The following ZNF677 variants were observed in gnomAD, a reference collection of about 807,000 sequenced individuals.
ZNF677 encodes zinc finger protein 677, also known as hypothetical protein MGC48625.
ZNF677 carries 5 observed loss-of-function variants against 8.1 expected under a neutral mutation model. That is an observed-to-expected ratio of 0.62 (90% CI 0.32 to 1.29). The LOEUF is 1.29. Ranked by LOEUF, ZNF677 falls within the 50% of genes most tolerant of loss-of-function variation. The pLI is 0.05. For missense variants in ZNF677, 685 were observed against 685.9 expected, an observed-to-expected ratio of 1.00 and a Z score of 0.01; for synonymous variants, 221 against 225.6, an observed-to-expected ratio of 0.98 and a Z score of 0.18.
At chr19:53,244,765 T>C (rs1402291643) in intron 3 of ZNF677, among the ~76,000 whole-genome samples, 1 of 152,128 alleles carries the variant, frequency 6.6e-6, no homozygotes, top group Non-Finnish European at 1.5e-5. Context: ...AAAATTCATA[T>C]AGAACTATAA....
intron 1 of ZNF677, among the ~76,000 whole-genome samples, chr19:53,253,559 T>C (rs1025732758): frequency 6.6e-6 from 1 of 152,144 alleles, no homozygotes; most frequent in Admixed American, 6.5e-5. Flanking sequence ...TGGTGGCGCA[T>C]GCCTTTAATC....
rs2090981520 is a variant in ZNF677, at chr19:53,237,307, G to A, written c.1420C>T (p.Leu474Phe). ...GTATGAGTTCTCTGATGACCCCAAA[G>A]GTGTGAACGTTTGATAAAAGCTTTA... ...CDKAFIKRSH[L>F]WGHQRTHTGE... Residue 474 changes from leucine to phenylalanine, a missense_variant, in exon 5 of 5, where the codon CTT (leucine) becomes TTT (phenylalanine). By Grantham distance (22) the Leu-to-Phe change is conservative (BLOSUM62 0). Coordinates refer to ENST00000598513, the MANE Select transcript of ZNF677 (RefSeq NM_182609.4). 2 of 1,613,744 alleles carry A rather than the reference G, an allele frequency of 1.2e-6. No homozygotes were observed. Among genetic ancestry groups the A allele is most frequent in the Non-Finnish European group, 1.7e-6 (2 of 1,179,884 alleles).
At chr19:53,239,221 A>G in intron 4 of ZNF677, 1 of 152,312 alleles carries the variant, frequency 6.6e-6, no homozygotes, top group South Asian at 2.1e-4. Flanking sequence ...AATAAATAAA[A>G]CACTTTAGTA....
At chr19:53,242,684 T>G (rs1480597150) in intron 4 of ZNF677, 1 of 341,664 alleles carries the variant, frequency 2.9e-6, no homozygotes, top group Non-Finnish European at 5.2e-6. Context: ...CCCATTTTCC[T>G]GAAAAGTTCT....
rs1445732341 is a variant in ZNF677 at position 53,238,545 on chromosome 19, C to T, written c.182G>A (p.Gly61Glu). 12 of 1,557,594 alleles carry T rather than the reference C, an allele frequency of 7.7e-6. No individual in the cohort carries two copies. The highest frequency in any genetic ancestry group is 2.1e-5 in the Admixed American group (1 of 48,564). The change falls in exon 5 of 5, where the codon GGA (glycine) becomes GAA (glutamate). Residue 61 changes from glycine (G) to glutamate (E), a missense_variant. Gly to Glu is a moderately conservative substitution (Grantham distance 98, BLOSUM62 -2). Transcript: ENST00000598513. ...TGGTGATAATCCCTTGCTTGTAAAT[C>T]CAACAGAAATATCTGAAAGATATTA... is the stretch of plus-strand genomic sequence containing the variant. ...NIPPEDDISVGFTSKGLSPKE... is the reference protein window; with the variant it reads ...NIPPEDDISVEFTSKGLSPKE...
chr19:53,237,178 A>C lies in ZNF677; in HGVS notation c.1549T>G (p.Cys517Gly), dbSNP rs1204959917. Residue 517 changes from cysteine to glycine, a missense_variant, in exon 5 of 5, where the codon TGT becomes GGT. Cys to Gly is a radical substitution (Grantham distance 159). Coordinates refer to ENST00000598513, the MANE Select transcript of ZNF677 (RefSeq NM_182609.4). ...GTAAAAGCTTTGCCACATTCAGTAC[A>C]TTTGTAAGGTTTCTCTCCAGTATGG... ...KIHTGEKPYK[C>G]TECGKAFTQF... 4 of 1,612,850 alleles carry C rather than the reference A, an allele frequency of 2.5e-6. No individual in the cohort carries two copies. The highest frequency in any genetic ancestry group is 1.1e-5 in the South Asian group (1 of 90,994).
chr19:53,245,182 A>G (rs1010772438), intron 3 of ZNF677, among the ~76,000 whole-genome samples: 6 of 152,170 alleles, frequency 3.9e-5, no homozygotes, highest in Admixed American at 1.3e-4. Context: ...AACTCCTAGA[A>G]GAAAACATAG....
At chr19:53,250,923 G>A (rs2091224681) in intron 3 of ZNF677, among the ~76,000 whole-genome samples, 1 of 152,108 alleles carries the variant, frequency 6.6e-6, no homozygotes, top group African/African-American at 2.4e-5. Context: ...AGAATTTAAA[G>A]AACCTCCTGC....
chr19:53,250,466 G>C (rs142399455), intron 3 of ZNF677, among the ~76,000 whole-genome samples: 4 of 152,264 alleles, frequency 2.6e-5, no homozygotes, highest in Non-Finnish European at 5.9e-5. Context: ...AGAAAATGTG[G>C]TACACATACA....
chr19:53,252,599 T>C (rs1238264308), intron 2 of ZNF677, among the ~76,000 whole-genome samples: 4 of 152,178 alleles, frequency 2.6e-5, no homozygotes, highest in African/African-American at 7.2e-5. Flanking sequence ...AATATGAAAT[T>C]ACAAATAGCT....
rs190699878 is a variant in ZNF677, at chr19:53,250,578, A to G, written c.15+958T>C. Among the ~76,000 whole-genome samples, 310 of 152,318 alleles carry G rather than the reference A, an allele frequency of 2.0e-3. 1 individual carries two copies. The highest frequency in any genetic ancestry group is 7.1e-3 in the African/African-American group (295 of 41,556). The stretch of plus-strand genomic sequence containing the variant: ...CTTTAGCAAACTAACACAGGAACAG[A>G]AAACTAAATGCTGCATGTTCTCACA... On this transcript the variant is annotated intron_variant, in intron 3 of 4. Coordinates refer to ENST00000598513, the MANE Select transcript of ZNF677 (RefSeq NM_182609.4).
intron 4 of ZNF677, 143 bp downstream of exon 4, chr19:53,243,601 T>C (rs780551999): frequency 1.0e-5 from 11 of 1,071,782 alleles, no homozygotes; most frequent in Non-Finnish European, 1.4e-5. Flanking sequence ...TTAAAGTCTA[T>C]ATGCTACATT....
Position 53,236,955 on chromosome 19 carries a change from C to T in ZNF677, c.*17G>A. 6.6e-7 allele frequency: 1 copy of T among 1,522,420 alleles called. No homozygotes were observed. The highest frequency in any genetic ancestry group is 8.8e-7 in the Non-Finnish European group (1 of 1,142,452). 94.3% of individuals were successfully genotyped at this position (1,522,420 alleles called of 1,614,324 possible). ...TTTCGTTTTATATGGTTTCTTTTCA[C>T]AATGGAGCCCCTGATGCTAGGTACA... On this transcript the variant is annotated 3_prime_UTR_variant, in exon 5 of 5. Transcript: ENST00000598513.
intron 3 of ZNF677, 141 bp downstream of exon 3, chr19:53,251,395 G>C (rs1392624742): frequency 1.5e-6 from 1 of 686,658 alleles, no homozygotes; most frequent in Non-Finnish European, 2.6e-6. Context: ...AATCTATGTG[G>C]AGATGGAATT....
intron 1 of ZNF677, among the ~76,000 whole-genome samples, chr19:53,254,298 C>T (rs1298605665): frequency 2.0e-5 from 3 of 151,988 alleles, no homozygotes; most frequent in South Asian, 2.1e-4. Context: ...CCCATTTCGG[C>T]GTTTTCCTGT....
In ZNF677 at chr19:53,243,764, T is replaced by C; in HGVS notation, c.149A>G (p.Asp50Gly). 6.2e-7 allele frequency: 1 copy of C among 1,614,164 alleles called. No homozygotes were observed. Among genetic ancestry groups the C allele is most frequent in the Non-Finnish European group, 8.5e-7 (1 of 1,180,034 alleles). ...NYRNLLSLDE[D>G]NIPPEDDISV... ...GTTACCATCTTCTGGAGGGATGTTA[T>C]CCTCATCGAGAGAAAGCAGGTTCCT... is the stretch of plus-strand genomic sequence containing the variant. The change falls in exon 4 of 5, where the codon GAT (aspartate) becomes GGT (glycine). Residue 50 changes from aspartate to glycine, a missense_variant. Physicochemically the swap from Asp to Gly is moderately conservative, Grantham distance 94. Transcript: ENST00000598513.
chr19:53,243,859 A>C lies in ZNF677; in HGVS notation c.54T>G (p.Ser18=), dbSNP rs778374999. ...GGTCCAGGCACTCCCACTCCTCTTGAGAGAATTCTATGGCCACATCCTTGA... is the reference window on the plus strand; with the variant it reads ...GGTCCAGGCACTCCCACTCCTCTTGCGAGAATTCTATGGCCACATCCTTGA... ...FTFKDVAIEF[S]QEEWECLDPA... The change falls in exon 4 of 5, where the codon TCT becomes TCG. Residue 18 remains serine, a synonymous_variant. Transcript: ENST00000598513. 2 of 1,610,932 alleles carry C rather than the reference A, an allele frequency of 1.2e-6. No homozygotes were observed. Among genetic ancestry groups the C allele is most frequent in the Admixed American group, 3.4e-5 (2 of 58,946 alleles).
chr19:53,237,169 A>G lies in ZNF677; in HGVS notation c.1558T>C (p.Cys520Arg), dbSNP rs1444782391. 2 of 1,612,828 alleles carry G rather than the reference A, an allele frequency of 1.2e-6. No individual in the cohort carries two copies. The highest frequency in any genetic ancestry group is 2.7e-5 in the African/African-American group (2 of 74,896). The change falls in exon 5 of 5, where the codon TGT (cysteine) becomes CGT (arginine). Residue 520 changes from cysteine to arginine, a missense_variant. By Grantham distance (180) the Cys-to-Arg change is radical. Transcript: ENST00000598513. ...TGEKPYKCTE[C>R]GKAFTQFANL... ...GCAAATTGGGTAAAAGCTTTGCCACATTCAGTACATTTGTAAGGTTTCTCT... is the reference window on the plus strand; with the variant it reads ...GCAAATTGGGTAAAAGCTTTGCCACGTTCAGTACATTTGTAAGGTTTCTCT...
At position 53,237,786 on chromosome 19, in the gene ZNF677, G is replaced by A. The variant is rs140696477; in HGVS notation, c.941C>T (p.Thr314Ile). The change falls in exon 5 of 5, where the codon ACA (threonine) becomes ATA (isoleucine). Residue 314 changes from threonine to isoleucine, a missense_variant. By Grantham distance (89) the Thr-to-Ile change is moderately conservative. Transcript: ENST00000598513. ...ATTACATTGATATGGTTTCTCTCCTGTATGGACTCTCTGATGCCTAGTGAG... is the reference window on the plus strand; with the variant it reads ...ATTACATTGATATGGTTTCTCTCCTATATGGACTCTCTGATGCCTAGTGAG... Reference protein sequence around the residue: ...SNLTRHQRVHTGEKPYQCNIC... With the variant: ...SNLTRHQRVHIGEKPYQCNIC... 6.2e-7 allele frequency: 1 copy of A among 1,613,438 alleles called. No homozygotes were observed. Among genetic ancestry groups the A allele is most frequent in the Admixed American group, 1.7e-5 (1 of 59,942 alleles).
Sources: gnomAD v4.1 joint callset for allele counts (sites outside exome capture counted in the v4.1 genomes callset) on GRCh38, gnomAD v4.1.1 for gene constraint, MANE v1.5 for transcripts, NCBI Gene and HGNC (gene_info 2026-07-23, HGNC 2026-07-21) for gene names.